ATL3: variants seen among roughly 807,000 people sequenced by gnomAD.
ATL3 encodes the protein atlastin GTPase 3, also known as atlastin-3.
In ATL3, 49 loss-of-function variants were observed where a neutral mutation model predicts 69.5. The observed-to-expected ratio is 0.71, with a 90% CI of 0.56 to 0.89. The LOEUF (loss-of-function observed/expected upper bound fraction) is 0.89, where lower values mean the gene tolerates loss of function less well. ATL3 is among the 40% of genes least tolerant of loss of function. The probability of loss-of-function intolerance (pLI) is 0.00; values close to 1 mark genes in which losing one functional copy is unlikely to be tolerated. For synonymous variants in ATL3, 214 were observed against 224.1 expected (o/e 0.95, Z 0.40); for missense variants, 606 against 645.7 (o/e 0.94, Z 0.67).
Position 63,624,504 on chromosome 11 carries a change from T to A in ATL3, c.*4815A>T, listed in dbSNP as rs1347533561. 1 of 152,214 alleles carries A rather than the reference T, an allele frequency of 6.6e-6. No homozygotes were observed. The highest frequency in any genetic ancestry group is 1.5e-5 in the Non-Finnish European group (1 of 68,034). The allele number at this position is 152,214 out of a possible 1,614,324, so 9.4% of individuals were successfully genotyped here. On this transcript the variant is annotated 3_prime_UTR_variant, in exon 13 of 13. Coordinates refer to ENST00000398868, the MANE Select transcript of ATL3 (RefSeq NM_015459.5). Reference sequence around the variant, plus strand: ...TTGCAAAGTTTCTGATATGGGGTACTTAGGTCACTAATGACAGGAATTAGG... The same window carrying A: ...TTGCAAAGTTTCTGATATGGGGTACATAGGTCACTAATGACAGGAATTAGG...
At chr11:63,667,567 G>A (rs1940613790) in intron 1 of ATL3, among the ~76,000 whole-genome samples, 1 of 152,046 alleles carries the variant, frequency 6.6e-6, no homozygotes, top group Admixed American at 6.6e-5. Context: ...TTTGAGACCA[G>A]CCTGACCGAT....
chr11:63,662,524 G>C (rs1178158926), intron 1 of ATL3, among the ~76,000 whole-genome samples: 1 of 152,196 alleles, frequency 6.6e-6, no homozygotes, highest in Non-Finnish European at 1.5e-5. Context: ...CTATAACTCA[G>C]GCTGGAGTGC....
intron 8 of ATL3, among the ~76,000 whole-genome samples, chr11:63,640,671 C>G (rs1939673220): frequency 7.7e-6 from 1 of 130,314 alleles, no homozygotes; most frequent in African/African-American, 2.9e-5. Context: ...ATGGCGCAAT[C>G]TCGGCTCACT....
At chr11:63,669,018 G>C (rs192288261) in intron 1 of ATL3, among the ~76,000 whole-genome samples, 7 of 140,744 alleles carry the variant, frequency 5.0e-5, no homozygotes, top group African/African-American at 2.6e-5. Flanking sequence ...TTTGGGTGGG[G>C]GGGGGCGTCT....
At chr11:63,629,547 G>C (rs1939236679) in intron 12 of ATL3, 142 bp from the exon 13 acceptor site, 3 of 705,842 alleles carry the variant, frequency 4.3e-6, no homozygotes, top group Admixed American at 2.4e-5. Context: ...GGGATACAGA[G>C]AGGCTGTGGC....
chr11:63,635,100 TG>T (rs1939471074), intron 10 of ATL3, among the ~76,000 whole-genome samples: 1 of 151,970 alleles, frequency 6.6e-6, no homozygotes, highest in Non-Finnish European at 1.5e-5. Flanking sequence ...AGGTGGAGGT[TG>T]CGGTGAGCCA....
chr11:63,649,535 CTT>C (rs983684580), intron 5 of ATL3, among the ~76,000 whole-genome samples: 5 of 143,100 alleles, frequency 3.5e-5, no homozygotes, highest in Admixed American at 7.0e-5. Context: ...ATTTTATTTT[CTT>C]TTTTTTTTTT....
Position 63,629,301 on chromosome 11 carries a change from G to A in ATL3, c.*18C>T, listed in dbSNP as rs1320534499. 6.2e-7 allele frequency: 1 copy of A among 1,604,180 alleles called. No individual in the cohort carries two copies. Among genetic ancestry groups the A allele is most frequent in the Non-Finnish European group, 8.5e-7 (1 of 1,171,032 alleles). On this transcript the variant is annotated 3_prime_UTR_variant, in exon 13 of 13. Transcript: ENST00000398868. ...GTAGGGGCTTGTTGTGTTCTTGTTTGATCTTCACGTTAAGATGCTATTGAG... is the reference window on the plus strand; with the variant it reads ...GTAGGGGCTTGTTGTGTTCTTGTTTAATCTTCACGTTAAGATGCTATTGAG...
In ATL3 at chr11:63,643,486, GT is replaced by G. The variant is rs1565274422; in HGVS notation, c.720del (p.Glu240AspfsTer43). On this transcript the variant is annotated frameshift_variant, in exon 8 of 13. Coordinates refer to ENST00000398868, the MANE Select transcript of ATL3 (RefSeq NM_015459.5). LOFTEE classifies it high-confidence loss of function. ...AFLDKRLQVK[E>X]HQHEEIQNVR... The stretch of plus-strand genomic sequence containing the variant: ...ACATTCTGAATTTCTTCATGTTGAT[GT>G]TCCTTCACCTGCCAATGAAGACCAA... 1 of 1,609,254 alleles carries G rather than the reference GT, an allele frequency of 6.2e-7. No homozygotes were observed. The highest frequency in any genetic ancestry group is 1.7e-5 in the Admixed American group (1 of 59,302).
At chr11:63,668,292 A>G (rs975984872) in intron 1 of ATL3, among the ~76,000 whole-genome samples, 1 of 152,118 alleles carries the variant, frequency 6.6e-6, no homozygotes, top group African/African-American at 2.4e-5. Context: ...AAACATCATC[A>G]CAGGCAAGAG....
chr11:63,659,189 T>C lies in ATL3; in HGVS notation c.110A>G (p.His37Arg). Reference sequence around the variant, plus strand: ...GGCTTTCTCATCTAGCTCAAAGGAATGTTGATCTTTCTGAACCAAAACAAC... The same window carrying C: ...GGCTTTCTCATCTAGCTCAAAGGAACGTTGATCTTTCTGAACCAAAACAAC... ...VQVVLVQKDQHSFELDEKALA... is the reference protein window; with the variant it reads ...VQVVLVQKDQRSFELDEKALA... The change falls in exon 2 of 13, where the codon CAT becomes CGT. Residue 37 changes from histidine (H) to arginine (R), a missense_variant. His to Arg is a conservative substitution (Grantham distance 29). Coordinates refer to ENST00000398868, the MANE Select transcript of ATL3 (RefSeq NM_015459.5). 1 of 1,614,170 alleles carries C rather than the reference T, an allele frequency of 6.2e-7. No homozygotes were observed. The highest frequency in any genetic ancestry group is 8.5e-7 in the Non-Finnish European group (1 of 1,180,026).
intron 5 of ATL3, among the ~76,000 whole-genome samples, chr11:63,649,079 C>G (rs1939984928): frequency 6.6e-6 from 1 of 152,006 alleles, no homozygotes; most frequent in Non-Finnish European, 1.5e-5. Context: ...GAGCCAAGAT[C>G]GTGCCACTGC....
chr11:63,665,820 G>A (rs567130533), intron 1 of ATL3, among the ~76,000 whole-genome samples: 1 of 151,574 alleles, frequency 6.6e-6, no homozygotes, highest in South Asian at 2.1e-4. Context: ...GTTGCAGTAA[G>A]TCAACCACTG....
Position 63,631,153 on chromosome 11 carries a change from T to C in ATL3, c.1426A>G (p.Met476Val), listed in dbSNP as rs753142252. The change falls in exon 12 of 13, where the codon ATG becomes GTG. Residue 476 changes from methionine to valine, a missense_variant. Physicochemically the swap from Met to Val is conservative, Grantham distance 21 (BLOSUM62 1). Transcript: ENST00000398868. ...LEVVAQLFNCMVGLLLIALLT... is the reference protein window; with the variant it reads ...LEVVAQLFNCVVGLLLIALLT... ...AGTGCTATTAACAGTAGTCCAACCA[T>C]ACAGTTGAACAACTGGGCTACAACC... The C allele has an allele frequency of 8.7e-6, 14 of 1,614,026 alleles. No homozygotes were observed. Among genetic ancestry groups the C allele is most frequent in the Admixed American group, 8.3e-5 (5 of 59,992 alleles).
rs993775919 is a variant in ATL3, at chr11:63,652,426, T to C, written c.510+45A>G. ...ACCAAAACTGTATTTCCTCCCTTTA[T>C]CTTATTTCCTTTGCGAGCTTTTTTC... On this transcript the variant is annotated intron_variant, in intron 4 of 12. Coordinates refer to ENST00000398868, the MANE Select transcript of ATL3 (RefSeq NM_015459.5). 2.3e-5 allele frequency: 28 copies of C among 1,243,162 alleles called. No homozygotes were observed. Among genetic ancestry groups the C allele is most frequent in the Non-Finnish European group, 3.0e-5 (27 of 892,602 alleles). The allele number at this position is 1,243,162 out of a possible 1,614,324, so 77.0% of individuals were successfully genotyped here.
intron 1 of ATL3, among the ~76,000 whole-genome samples, chr11:63,664,877 A>C (rs898223679): frequency 3.3e-5 from 5 of 151,990 alleles, no homozygotes; most frequent in Non-Finnish European, 7.4e-5. Flanking sequence ...AAGTGCTGGG[A>C]TTACAGGCGT....
chr11:63,655,299 C>T (rs900640075), intron 3 of ATL3, among the ~76,000 whole-genome samples: 19 of 151,900 alleles, frequency 1.3e-4, no homozygotes, highest in African/African-American at 3.6e-4. Context: ...TACAGGTGGG[C>T]GCCACCACGC....
rs1236555541 is a variant in ATL3 at position 63,629,419 on chromosome 11, T to C, written c.1540-14A>G. 1.2e-6 allele frequency: 2 copies of C among 1,608,976 alleles called. No homozygotes were observed. Reference sequence around the variant, plus strand: ...ATGAGAAGAAGCCTGCAAAAGTCCATTTATTCAACATATAAGTTAATAAAA... The same window carrying C: ...ATGAGAAGAAGCCTGCAAAAGTCCACTTATTCAACATATAAGTTAATAAAA... On this transcript the variant is annotated splice_polypyrimidine_tract_variant and intron_variant, in intron 12 of 12. Transcript: ENST00000398868.
upstream of ATL3, chr11:63,671,506 T>A (rs1940782154): frequency 2.1e-6 from 3 of 1,444,836 alleles, no homozygotes. Context: ...CAGCGCGGTC[T>A]GCGTGGCCCA....
Sources: allele counts gnomAD v4.1 joint callset (sites outside exome capture counted in the v4.1 genomes callset), GRCh38; gene constraint gnomAD v4.1.1; transcripts MANE v1.5; gene names NCBI Gene and HGNC (gene_info 2026-07-23, HGNC 2026-07-21).